The following SERPINA1 variants were observed in gnomAD, a reference collection of about 807,000 sequenced individuals.
The protein encoded by SERPINA1 is alpha-1-antitrypsin.
Under a neutral mutation model 25.4 loss-of-function variants are expected in SERPINA1, and 21 were observed. The ratio of observed to expected loss-of-function variants is 0.83; its 90% CI spans 0.59 to 1.19. SERPINA1 has a LOEUF of 1.19. Ranked by LOEUF, SERPINA1 falls within the 50% of genes most tolerant of loss-of-function variation. The probability of loss-of-function intolerance (pLI) is 0.00; values close to 1 mark genes in which losing one functional copy is unlikely to be tolerated. For missense variants in SERPINA1, 546 were observed against 509.0 expected (o/e 1.07, Z -0.70); for synonymous variants, 218 against 211.1 (o/e 1.03, Z -0.29).
At position 94,378,458 on chromosome 14, in the gene SERPINA1, G is replaced by T. The variant is rs1896524249; in HGVS notation, c.1248C>A (p.Thr416=). The change falls in exon 5 of 5, where the codon ACC becomes ACA. Residue 416 remains threonine (T), a synonymous_variant. Transcript: ENST00000393087. ...PLFMGKVVNP[T]QK ...GAGGAGCGAGAGGCAGTTATTTTTG[G>T]GTGGGATTCACCACTTTTCCCATGA... 1.2e-6 allele frequency: 2 copies of T among 1,614,078 alleles called. No individual in the cohort carries two copies. Among genetic ancestry groups the T allele is most frequent in the Non-Finnish European group, 1.7e-6 (2 of 1,179,960 alleles).
In SERPINA1 at chr14:94,377,065, C is replaced by A. The variant is rs1292486609; in HGVS notation, c.*1384G>T. 6.6e-6 allele frequency: 1 copy of A among 152,190 alleles called. No individual in the cohort carries two copies. The highest frequency in any genetic ancestry group is 2.4e-5 in the African/African-American group (1 of 41,428). 9.4% of individuals were successfully genotyped at this position (152,190 alleles called of 1,614,324 possible). The stretch of plus-strand genomic sequence containing the variant: ...GACTTGTGTGGGAAACAGTCGGTAT[C>A]CATTGATTAGACTGAATCATGTAGA... On this transcript the variant is annotated 3_prime_UTR_variant, in exon 5 of 5. Coordinates refer to ENST00000393087, the MANE Select transcript of SERPINA1 (RefSeq NM_000295.5).
At chr14:94,379,663 T>C in intron 3 of SERPINA1, 52 bp from the exon 4 acceptor site, 1 of 1,613,024 alleles carries the variant, frequency 6.2e-7, no homozygotes, top group East Asian at 2.2e-5. Context: ...CTCTTGTTCT[T>C]CTGGGACCCA....
chr14:94,379,430 C>A, intron 4 of SERPINA1, 34 bp downstream of exon 4: 1 of 1,613,600 alleles, frequency 6.2e-7, no homozygotes, highest in South Asian at 1.1e-5. Context: ...CCTACAGATA[C>A]CAGGGTGCAA....
Position 94,382,968 on chromosome 14 carries a change from CA to C in SERPINA1, c.269del (p.Leu90ArgfsTer15). On this transcript the variant is annotated frameshift_variant, in exon 2 of 5. Transcript: ENST00000393087. LOFTEE classifies it high-confidence loss of function. ...SIATAFAMLS[L>X]GTKADTHDEI... Reference sequence around the variant, plus strand: ...CATCGTGAGTGTCAGCCTTGGTCCCCAGGGAGAGCATTGCAAAGGCTGTAGC... The same window carrying C: ...CATCGTGAGTGTCAGCCTTGGTCCCCGGGAGAGCATTGCAAAGGCTGTAGC... 6.2e-7 allele frequency: 1 copy of C among 1,608,160 alleles called. No individual in the cohort carries two copies. Among genetic ancestry groups the C allele is most frequent in the Non-Finnish European group, 8.5e-7 (1 of 1,175,540 alleles).
At chr14:94,381,455 G>A (rs983118585) in intron 2 of SERPINA1, among the ~76,000 whole-genome samples, 1 of 152,134 alleles carries the variant, frequency 6.6e-6, no homozygotes, top group African/African-American at 2.4e-5. Context: ...AGGGTGTCTT[G>A]GATATTACAA....
rs573955977 is a variant in SERPINA1, at chr14:94,378,714, C to T, written c.1066-74G>A. On this transcript the variant is annotated intron_variant, in intron 4 of 4. Transcript: ENST00000393087. The stretch of plus-strand genomic sequence containing the variant: ...CGAGCAAGGCTCACGTGGACACCTC[C>T]CAGGAAGCGCTCACTCCCCCTGGAC... 36 of 1,461,026 alleles carry T rather than the reference C, an allele frequency of 2.5e-5. No individual in the cohort carries two copies. In the Admixed American group the frequency reaches 3.5e-4, roughly 14 times the overall value. 90.5% of individuals were successfully genotyped at this position (1,461,026 alleles called of 1,614,324 possible).
At chr14:94,387,212 C>G (rs905792334) in intron 1 of SERPINA1, among the ~76,000 whole-genome samples, 2 of 152,256 alleles carry the variant, frequency 1.3e-5, no homozygotes, top group African/African-American at 2.4e-5. Flanking sequence ...TCCACGTCAA[C>G]TTGCTATTAG....
rs765628480 is a variant in SERPINA1, at chr14:94,382,901, C to T, written c.337G>A (p.Glu113Lys). The change falls in exon 2 of 5, where the codon GAG (glutamate) becomes AAG (lysine). Residue 113 changes from glutamate to lysine, a missense_variant. Transcript: ENST00000393087. ...GLNFNLTEIPEAQIHEGFQEL... is the reference protein window; with the variant it reads ...GLNFNLTEIPKAQIHEGFQEL... ...TGGAAGCCTTCATGGATCTGAGCCT[C>T]CGGAATCTCCGTGAGGTTGAAATTC... 2 of 1,613,500 alleles carry T rather than the reference C, an allele frequency of 1.2e-6. No homozygotes were observed. Among genetic ancestry groups the T allele is most frequent in the South Asian group, 1.1e-5 (1 of 91,080 alleles).
At chr14:94,379,321 A>G in intron 4 of SERPINA1, 143 bp downstream of exon 4, 1 of 1,231,118 alleles carries the variant, frequency 8.1e-7, no homozygotes, top group Non-Finnish European at 1.2e-6. Flanking sequence ...CGTGTCAGTG[A>G]ATCACGGGCA....
intron 3 of SERPINA1, 140 bp from the exon 4 acceptor site, chr14:94,379,751 T>C: frequency 8.5e-7 from 1 of 1,173,884 alleles, no homozygotes; most frequent in South Asian, 1.3e-5. Context: ...AGATGGGAAC[T>C]CGGCTTTGGT....
Position 94,379,533 on chromosome 14 carries a change from G to A in SERPINA1, c.996C>T (p.Ile332=). 1 of 1,613,958 alleles carries A rather than the reference G, an allele frequency of 6.2e-7. No homozygotes were observed. Among genetic ancestry groups the A allele is most frequent in the Non-Finnish European group, 8.5e-7 (1 of 1,179,960 alleles). ...DLKSVLGQLG[I]TKVFSNGADL... is the part of the protein sequence containing the mutation. ...CAGCCCCATTGCTGAAGACCTTAGT[G>A]ATGCCCAGTTGACCCAGGACGCTCT... The change falls in exon 4 of 5, where the codon ATC becomes ATT. Residue 332 remains isoleucine (I), a synonymous_variant. Coordinates refer to ENST00000393087, the MANE Select transcript of SERPINA1 (RefSeq NM_000295.5).
chr14:94,384,463 G>A (rs985680405), intron 1 of SERPINA1, among the ~76,000 whole-genome samples: 3 of 152,292 alleles, frequency 2.0e-5, no homozygotes, highest in Non-Finnish European at 4.4e-5. Flanking sequence ...ATAGGGAGTG[G>A]TGGGGCCTGT....
Position 94,380,883 on chromosome 14 carries a change from T to A in SERPINA1, c.905A>T (p.Asn302Ile), listed in dbSNP as rs377668175. ...GTTGGGGAATCACCTTCTGTCTTCA[T>A]TTTCCAGGAACTTGGTGATGATATC... ...THDIITKFLE[N>I]EDRRSASLHL... Residue 302 changes from asparagine (N) to isoleucine (I), a missense_variant, in exon 3 of 5, where the codon AAT becomes ATT. By Grantham distance (149) the Asn-to-Ile change is moderately radical (BLOSUM62 -3). Transcript: ENST00000393087. The A allele has an allele frequency of 2.5e-5, 40 of 1,614,060 alleles. No homozygotes were observed. Among genetic ancestry groups the A allele is most frequent in the Non-Finnish European group, 3.3e-5 (39 of 1,180,030 alleles).
At chr14:94,385,445 C>T (rs1302706030) in intron 1 of SERPINA1, among the ~76,000 whole-genome samples, 1 of 152,268 alleles carries the variant, frequency 6.6e-6, no homozygotes, top group Non-Finnish European at 1.5e-5. Flanking sequence ...TCTTCTGTCT[C>T]AGCTTCCCAA....
upstream of SERPINA1, among the ~76,000 whole-genome samples, chr14:94,390,157 C>T (rs56407502): frequency 3.8e-3 from 584 of 152,268 alleles, 2 homozygotes; most frequent in Middle Eastern, 0.034. Flanking sequence ...TTTCAGGCAG[C>T]GGGAAACTGA....
Position 94,382,804 on chromosome 14 carries a change from C to T in SERPINA1, c.434G>A (p.Ser145Asn), listed in dbSNP as rs1897028710. ...QLTTGNGLFL[S>N]EGLKLVDKFL... ...CTTATCCACTAGCTTCAGGCCCTCG[C>T]TGAGGAACAGGCCATTGCCGGTGGT... Residue 145 changes from serine to asparagine, a missense_variant, in exon 2 of 5, where the codon AGC (serine) becomes AAC (asparagine). Coordinates refer to ENST00000393087, the MANE Select transcript of SERPINA1 (RefSeq NM_000295.5). 2 of 1,614,256 alleles carry T rather than the reference C, an allele frequency of 1.2e-6. No homozygotes were observed. The highest frequency in any genetic ancestry group is 1.7e-6 in the Non-Finnish European group (2 of 1,180,042).
rs139800355 is a variant in SERPINA1 at position 94,387,383 on chromosome 14, C to T, written c.-5+1177G>A. ...TTCTCGAGAATACCAGTTCTTGCTG[C>T]TATTGCTGCAGGTCTTTTAGAGGCG... On this transcript the variant is annotated intron_variant, in intron 1 of 4. Transcript: ENST00000393087. Among the ~76,000 whole-genome samples, 1,056 of 152,354 alleles carry T rather than the reference C, an allele frequency of 6.9e-3. 11 individuals are homozygous for T. The highest frequency in any genetic ancestry group is 0.017 in the Middle Eastern group (5 of 294).
At chr14:94,379,083 T>A (rs1896637052) in intron 4 of SERPINA1, 3 of 555,962 alleles carry the variant, frequency 5.4e-6, no homozygotes, top group Non-Finnish European at 9.6e-6. Context: ...TTAGCTGAAA[T>A]CATTCATTAA....
chr14:94,380,555 G>T (rs2070709), intron 3 of SERPINA1: 3 of 423,938 alleles, frequency 7.1e-6, no homozygotes, highest in East Asian at 4.7e-5. Flanking sequence ...CTGCCAGAAC[G>T]TGTGGTGGTG....
Sources: gnomAD v4.1 joint callset for allele counts (sites outside exome capture counted in the v4.1 genomes callset) on GRCh38, gnomAD v4.1.1 for gene constraint, MANE v1.5 for transcripts, NCBI Gene and HGNC (gene_info 2026-07-23, HGNC 2026-07-21) for gene names.